Variants in LCLAT1 observed in about 807,000 individuals in gnomAD.
LCLAT1 encodes the protein lysocardiolipin acyltransferase 1.
Under a neutral mutation model 30.7 loss-of-function variants are expected in LCLAT1, and 11 were observed. The ratio of observed to expected loss-of-function variants is 0.36; its 90% CI spans 0.23 to 0.59. The LOEUF (loss-of-function observed/expected upper bound fraction) is 0.59, where lower values mean the gene tolerates loss of function less well. LCLAT1 is among the 20% of genes least tolerant of loss of function. The pLI is 0.77. For synonymous variants in LCLAT1, 155 were observed against 151.3 expected (o/e 1.02, Z -0.18); for missense variants, 402 against 458.6 (o/e 0.88, Z 1.13).
chr2:30,461,677 T>C (rs565525892), intron 1 of LCLAT1, among the ~76,000 whole-genome samples: 2 of 152,312 alleles, frequency 1.3e-5, no homozygotes, highest in East Asian at 3.9e-4. Context: ...GCCCTTTACT[T>C]AACCCTTTGG....
rs141756231 is a variant in LCLAT1 at position 30,603,751 on chromosome 2, T to G, written c.628+35575T>G. Among the ~76,000 whole-genome samples the G allele has an allele frequency of 2.0e-4, 31 of 152,114 alleles. No individual in the cohort carries two copies. The East Asian group carries it at 5.8e-3, about 29-fold the overall frequency. ...CAGCTGTGCAACATGCATGTAAGATTATAGTCCTGATCAGAGTAGGGACAT... is the reference window on the plus strand; with the variant it reads ...CAGCTGTGCAACATGCATGTAAGATGATAGTCCTGATCAGAGTAGGGACAT... On this transcript the variant is annotated intron_variant, in intron 5 of 5. Transcript: ENST00000379509.
At chr2:30,555,221 T>C (rs1664862117) in intron 3 of LCLAT1, among the ~76,000 whole-genome samples, 1 of 152,162 alleles carries the variant, frequency 6.6e-6, no homozygotes, top group Non-Finnish European at 1.5e-5. Context: ...GCTTTGATAT[T>C]CTCAGTGGAA....
At chr2:30,495,286 A>G (rs939914037) in intron 1 of LCLAT1, among the ~76,000 whole-genome samples, 12 of 152,162 alleles carry the variant, frequency 7.9e-5, no homozygotes, top group Admixed American at 2.0e-4. Flanking sequence ...AAATATTCAT[A>G]GAATCAGTAA....
intron 1 of LCLAT1, among the ~76,000 whole-genome samples, chr2:30,493,390 T>C (rs899330312): frequency 1.3e-5 from 2 of 152,196 alleles, no homozygotes; most frequent in Non-Finnish European, 2.9e-5. Context: ...CATAAAAAAC[T>C]GAACAATCAA....
intron 1 of LCLAT1, among the ~76,000 whole-genome samples, chr2:30,508,188 G>C (rs1263045334): frequency 1.3e-5 from 2 of 152,004 alleles, no homozygotes; most frequent in African/African-American, 4.8e-5. Flanking sequence ...TTAGACCTTT[G>C]TTAGATGCAT....
chr2:30,544,457 C>A (rs1021773191), intron 3 of LCLAT1, among the ~76,000 whole-genome samples: 1 of 152,168 alleles, frequency 6.6e-6, no homozygotes, highest in African/African-American at 2.4e-5. Flanking sequence ...CTGAGTCTTT[C>A]TTTCTTCAAT....
At chr2:30,470,425 T>C (rs1363645867) in intron 1 of LCLAT1, among the ~76,000 whole-genome samples, 5 of 152,252 alleles carry the variant, frequency 3.3e-5, no homozygotes, top group Non-Finnish European at 7.3e-5. Flanking sequence ...TGTTATTTTT[T>C]ACAAAGATGG....
chr2:30,525,011 C>G (rs1685641027), intron 1 of LCLAT1, among the ~76,000 whole-genome samples: 1 of 146,994 alleles, frequency 6.8e-6, no homozygotes, highest in Non-Finnish European at 1.5e-5. Context: ...TAGATAACAC[C>G]TTAGAAAAGA....
intron 1 of LCLAT1, among the ~76,000 whole-genome samples, chr2:30,470,916 T>A (rs1382069397): frequency 7.4e-5 from 8 of 108,768 alleles, no homozygotes; most frequent in East Asian, 3.3e-4. Context: ...TTATTCATTC[T>A]TTTTTTTTTT....
chr2:30,504,438 C>T (rs999485043), intron 1 of LCLAT1, among the ~76,000 whole-genome samples: 1 of 152,154 alleles, frequency 6.6e-6, no homozygotes, highest in Non-Finnish European at 1.5e-5. Context: ...GGCTCAGGAT[C>T]TTTGGTGGTG....
At chr2:30,533,962 A>C (rs1014980124) in intron 3 of LCLAT1, among the ~76,000 whole-genome samples, 1 of 152,118 alleles carries the variant, frequency 6.6e-6, no homozygotes, top group African/African-American at 2.4e-5. Flanking sequence ...AAGGGAGGGG[A>C]AAGATTATAA....
intron 1 of LCLAT1, among the ~76,000 whole-genome samples, chr2:30,460,786 G>T (rs1333705740): frequency 6.6e-6 from 1 of 152,122 alleles, no homozygotes; most frequent in African/African-American, 2.4e-5. Context: ...GGTCTCTGGG[G>T]AGGGGGCAGT....
intron 3 of LCLAT1, among the ~76,000 whole-genome samples, chr2:30,547,697 C>T (rs138140198): frequency 1.3e-5 from 2 of 149,106 alleles, no homozygotes; most frequent in Non-Finnish European, 3.0e-5. Context: ...AGGGGGAGGT[C>T]CTCAGACATC....
intron 5 of LCLAT1, among the ~76,000 whole-genome samples, chr2:30,578,753 C>G (rs1444078282): frequency 6.6e-6 from 1 of 152,062 alleles, no homozygotes; most frequent in African/African-American, 2.4e-5. Flanking sequence ...TCATACTGTT[C>G]CTTATGTGAG....
intron 5 of LCLAT1, among the ~76,000 whole-genome samples, chr2:30,588,108 G>GGTCACCTCATA (rs1666521588): frequency 6.6e-6 from 1 of 152,210 alleles, no homozygotes; most frequent in Non-Finnish European, 1.5e-5. Context: ...ACCTTGATCA[G>GGTCACCTCATA]GTCACCTCAT....
chr2:30,575,630 G>A (rs1432659207), intron 5 of LCLAT1, among the ~76,000 whole-genome samples: 2 of 151,948 alleles, frequency 1.3e-5, no homozygotes, highest in East Asian at 1.9e-4. Flanking sequence ...TTTAACTACC[G>A]GAGGATAAAA....
intron 1 of LCLAT1, among the ~76,000 whole-genome samples, chr2:30,504,191 T>C (rs1252534254): frequency 6.6e-6 from 1 of 152,086 alleles, no homozygotes; most frequent in East Asian, 1.9e-4. Context: ...ATGCATTACA[T>C]ATATAACATA....
At chr2:30,473,029 T>TAC (rs1300219116) in intron 1 of LCLAT1, among the ~76,000 whole-genome samples, 1 of 152,188 alleles carries the variant, frequency 6.6e-6, no homozygotes, top group African/African-American at 2.4e-5. Flanking sequence ...TGTCTCTGAA[T>TAC]ATAGTTGATA....
chr2:30,490,779 A>G (rs1683800350), intron 1 of LCLAT1, among the ~76,000 whole-genome samples: 1 of 152,218 alleles, frequency 6.6e-6, no homozygotes, highest in Non-Finnish European at 1.5e-5. Context: ...TATGCAGTAT[A>G]CACACCTATG....
Sources: gnomAD v4.1 joint callset for allele counts (sites outside exome capture counted in the v4.1 genomes callset) on GRCh38, gnomAD v4.1.1 for gene constraint, MANE v1.5 for transcripts, NCBI Gene and HGNC (gene_info 2026-07-23, HGNC 2026-07-21) for gene names.